The following SMPD3 variants were observed in gnomAD, a reference collection of about 807,000 sequenced individuals.
SMPD3 encodes the protein nSMase-2.
Under a neutral mutation model 55.7 loss-of-function variants are expected in SMPD3, and 21 were observed. That is an observed-to-expected ratio of 0.38 (90% CI 0.27 to 0.54). The LOEUF (loss-of-function observed/expected upper bound fraction) is 0.54. Among genes scored for constraint, SMPD3 ranks in the 20% least tolerant of loss-of-function variants. The pLI is 0.80. For missense variants in SMPD3, 842 were observed against 899.6 expected, an observed-to-expected ratio of 0.94 and a Z score of 0.82; for synonymous variants, 457 against 404.3, an observed-to-expected ratio of 1.13 and a Z score of -1.56.
chr16:68,381,139 G>A (rs2089942194), intron 2 of SMPD3, among the ~76,000 whole-genome samples: 2 of 152,320 alleles, frequency 1.3e-5, no homozygotes, highest in East Asian at 3.9e-4. Flanking sequence ...CACCCTCCCA[G>A]GCGGCTGGGC....
intron 1 of SMPD3, among the ~76,000 whole-genome samples, chr16:68,394,919 G>A (rs1490914426): frequency 6.6e-6 from 1 of 152,182 alleles, no homozygotes; most frequent in Non-Finnish European, 1.5e-5. Context: ...TTTTATGACT[G>A]AGGCTTGTCC....
In SMPD3 at chr16:68,379,119, C is replaced by T. The variant is rs145851723; in HGVS notation, c.-206-6732G>A. Among the ~76,000 whole-genome samples the T allele has an allele frequency of 5.5e-3, 831 of 152,354 alleles. 7 individuals carry two copies. Among genetic ancestry groups the T allele is most frequent in the Admixed American group, 9.7e-3 (149 of 15,312 alleles). On this transcript the variant is annotated intron_variant, in intron 2 of 8. Transcript: ENST00000219334. The stretch of plus-strand genomic sequence containing the variant: ...CTAAAATGCGATTCTATCAGGTCCT[C>T]TCCTGTGCAAACCTCCTGTGGCTCC...
intron 1 of SMPD3, among the ~76,000 whole-genome samples, chr16:68,437,530 C>G (rs1417251429): frequency 6.6e-6 from 1 of 152,184 alleles, no homozygotes; most frequent in Non-Finnish European, 1.5e-5. Context: ...CCTTGCCCAC[C>G]CTTGCACTCA....
rs534618910 is a variant in SMPD3, at chr16:68,363,918, C to A, written c.1556-52G>T. 2.7e-6 allele frequency: 4 copies of A among 1,480,036 alleles called. No homozygotes were observed. In the South Asian group the frequency reaches 4.9e-5, roughly 18 times the overall value. The allele number at this position is 1,480,036 out of a possible 1,614,324, so 91.7% of individuals were successfully genotyped here. A position where few individuals can be genotyped will look rare whatever the true frequency, so the allele number is the denominator to read the frequency against. ...GGCACCAGGGGGCTTTGCTGTCCCACACGGCCTGTGCCCCTGCTTCCCATC... is the reference window on the plus strand; with the variant it reads ...GGCACCAGGGGGCTTTGCTGTCCCAAACGGCCTGTGCCCCTGCTTCCCATC... On this transcript the variant is annotated intron_variant, in intron 5 of 8. Transcript: ENST00000219334.
At chr16:68,436,839 T>C (rs2090526413) in intron 1 of SMPD3, among the ~76,000 whole-genome samples, 2 of 152,106 alleles carry the variant, frequency 1.3e-5, no homozygotes. Flanking sequence ...AAATAAGGAA[T>C]ACAAAGGCAA....
intron 1 of SMPD3, among the ~76,000 whole-genome samples, chr16:68,422,378 G>T (rs141954284): frequency 2.0e-5 from 3 of 152,172 alleles, no homozygotes; most frequent in African/African-American, 7.2e-5. Context: ...TGGATGTTGG[G>T]CCTGGTTCTC....
chr16:68,410,401 A>C (rs543710202), intron 1 of SMPD3, among the ~76,000 whole-genome samples: 79 of 152,050 alleles, frequency 5.2e-4, no homozygotes, highest in Admixed American at 1.4e-3. Flanking sequence ...GTCCAGGCAC[A>C]AACACACATG....
intron 1 of SMPD3, among the ~76,000 whole-genome samples, chr16:68,423,992 G>T (rs1278302705): frequency 6.6e-6 from 1 of 151,894 alleles, no homozygotes; most frequent in Admixed American, 6.5e-5. Flanking sequence ...ATGGCCCAAG[G>T]TGACCAAGGG....
At chr16:68,364,368 C>A in intron 5 of SMPD3, 1 of 240,098 alleles carries the variant, frequency 4.2e-6, no homozygotes, top group Non-Finnish European at 8.1e-6. Flanking sequence ...CACGTGGAGA[C>A]ATGCAATGCT....
intron 1 of SMPD3, among the ~76,000 whole-genome samples, chr16:68,387,603 C>T (rs1004937225): frequency 6.6e-6 from 1 of 152,188 alleles, no homozygotes; most frequent in African/African-American, 2.4e-5. Context: ...CTCCGGGGCC[C>T]GCCCCCTGTC....
intron 6 of SMPD3, 108 bp downstream of exon 6, chr16:68,363,669 A>G: frequency 6.9e-7 from 1 of 1,449,468 alleles, no homozygotes; most frequent in Non-Finnish European, 9.5e-7. Flanking sequence ...GGGCAGCTGA[A>G]TGGGGCCCTT....
intron 1 of SMPD3, among the ~76,000 whole-genome samples, chr16:68,390,951 C>A (rs1345161490): frequency 6.6e-6 from 1 of 152,124 alleles, no homozygotes; most frequent in African/African-American, 2.4e-5. Flanking sequence ...AGTAACACTA[C>A]AGGGTGGTGA....
chr16:68,420,049 T>C (rs1016023296), intron 1 of SMPD3, among the ~76,000 whole-genome samples: 1 of 151,596 alleles, frequency 6.6e-6, no homozygotes, highest in African/African-American at 2.4e-5. Context: ...AGTGGTGTGA[T>C]CTTGGCTCAC....
At chr16:68,424,627 C>T (rs942106220) in intron 1 of SMPD3, among the ~76,000 whole-genome samples, 2 of 152,210 alleles carry the variant, frequency 1.3e-5, no homozygotes, top group African/African-American at 4.8e-5. Flanking sequence ...CAGCGCCACG[C>T]CAGGCATCAG....
chr16:68,364,387 A>C (rs1465468), intron 5 of SMPD3: 1 of 239,334 alleles, frequency 4.2e-6, no homozygotes, highest in South Asian at 8.1e-5. Context: ...CTTCCCTCTC[A>C]GGGTTGTTAA....
At chr16:68,436,871 C>T (rs576035883) in intron 1 of SMPD3, among the ~76,000 whole-genome samples, 2 of 152,262 alleles carry the variant, frequency 1.3e-5, no homozygotes, top group East Asian at 1.9e-4. Flanking sequence ...CGACTGTATA[C>T]GAGCTTCTGA....
rs1298805602 is a variant in SMPD3, at chr16:68,359,380, T to C, written c.*1826A>G. The C allele has an allele frequency of 6.6e-6, 1 of 152,552 alleles. No individual in the cohort carries two copies. Among genetic ancestry groups the C allele is most frequent in the Non-Finnish European group, 1.5e-5 (1 of 68,170 alleles). The allele number at this position is 152,552 out of a possible 1,614,324, so 9.4% of individuals were successfully genotyped here. A position where few individuals can be genotyped will look rare whatever the true frequency, so the allele number is the denominator to read the frequency against. On this transcript the variant is annotated 3_prime_UTR_variant, in exon 9 of 9. Transcript: ENST00000219334. ...TCGCCCTCAGCAGCCCCTTCCTGGC[T>C]CTGGACTCTGGAGGGGCAGGGCTTG...
intron 2 of SMPD3, among the ~76,000 whole-genome samples, chr16:68,386,136 C>T (rs769813295): frequency 4.0e-5 from 6 of 151,476 alleles, no homozygotes; most frequent in Non-Finnish European, 8.8e-5. Flanking sequence ...GTGAGAGGAA[C>T]ACTTGAGCCC....
chr16:68,379,950 T>C (rs1345904865), intron 2 of SMPD3, among the ~76,000 whole-genome samples: 3 of 152,244 alleles, frequency 2.0e-5, no homozygotes, highest in Admixed American at 2.0e-4. Flanking sequence ...GCCAACGTGA[T>C]GTTTCAAACA....
Sources: allele counts gnomAD v4.1 joint callset (sites outside exome capture counted in the v4.1 genomes callset), GRCh38; gene constraint gnomAD v4.1.1; transcripts MANE v1.5; gene names NCBI Gene and HGNC (gene_info 2026-07-23, HGNC 2026-07-21).